Variants in ADGRB3 observed in about 807,000 individuals in gnomAD.
ADGRB3 encodes brain-specific angiogenesis inhibitor 3.
In ADGRB3, 37 loss-of-function variants were observed where a neutral mutation model predicts 193.4. The observed-to-expected ratio is 0.19, with a 90% CI of 0.15 to 0.25. The LOEUF is 0.25. Ranked by LOEUF, ADGRB3 falls within the 10% of genes least tolerant of loss-of-function variation. The pLI, the probability that ADGRB3 is intolerant of heterozygous loss-of-function variation, is 1.00. For synonymous variants in ADGRB3, 690 were observed against 644.2 expected, an observed-to-expected ratio of 1.07 and a Z score of -1.08; for missense variants, 1,637 against 1,852.9, an observed-to-expected ratio of 0.88 and a Z score of 2.14.
intron 30 of ADGRB3, among the ~76,000 whole-genome samples, chr6:69,376,062 T>C (rs1452549106): frequency 6.6e-6 from 1 of 150,486 alleles, no homozygotes; most frequent in Non-Finnish European, 1.5e-5. Context: ...TTTCACAGTT[T>C]TCCATGAAAA....
rs1468116522 is a variant in ADGRB3, at chr6:69,046,598, T to C, written c.2108-1587T>C. Among the ~76,000 whole-genome samples, 27 of 152,214 alleles carry C rather than the reference T, an allele frequency of 1.8e-4. 1 individual carries two copies. Among genetic ancestry groups the C allele is most frequent in the Admixed American group, 1.8e-3 (27 of 15,278 alleles). ...CTTTCTTTTAACATTACTTACAAAGTACTTTTTAAAGCTTAGTATGTCATA... is the reference window on the plus strand; with the variant it reads ...CTTTCTTTTAACATTACTTACAAAGCACTTTTTAAAGCTTAGTATGTCATA... On this transcript the variant is annotated intron_variant, in intron 13 of 31. Coordinates refer to ENST00000370598, the MANE Select transcript of ADGRB3 (RefSeq NM_001704.3).
At chr6:68,751,752 T>TA (rs558946220) in intron 3 of ADGRB3, among the ~76,000 whole-genome samples, 3 of 152,200 alleles carry the variant, frequency 2.0e-5, no homozygotes, top group African/African-American at 7.2e-5. Flanking sequence ...CATTCAGTGC[T>TA]AAAAAAATCC....
Position 69,239,156 on chromosome 6 carries a change from T to C in ADGRB3, c.2744T>C (p.Ile915Thr). The change falls in exon 20 of 32, where the codon ATT becomes ACT. Residue 915 changes from isoleucine (I) to threonine (T), a missense_variant. Coordinates refer to ENST00000370598, the MANE Select transcript of ADGRB3 (RefSeq NM_001704.3). Reference sequence around the variant, plus strand: ...CGCTCTGAGAGATCCATAATACTAATTAACTTCTGCCTGTCTATCATCTCA... The same window carrying C: ...CGCTCTGAGAGATCCATAATACTAACTAACTTCTGCCTGTCTATCATCTCA... ...YIRSERSIIL[I>T]NFCLSIISSN... The C allele has an allele frequency of 1.2e-6, 2 of 1,604,662 alleles. No homozygotes were observed. The highest frequency in any genetic ancestry group is 1.7e-6 in the Non-Finnish European group (2 of 1,172,108).
intron 30 of ADGRB3, among the ~76,000 whole-genome samples, 185 bp downstream of exon 30, chr6:69,372,626 T>G (rs576145213): frequency 6.6e-6 from 1 of 152,204 alleles, no homozygotes; most frequent in East Asian, 1.9e-4. Flanking sequence ...TTTGAATTAC[T>G]TCAAGTATTT....
rs188385251 is a variant in ADGRB3 at position 69,154,098 on chromosome 6, A to G, written c.2480+78060A>G. Among the ~76,000 whole-genome samples, 23 of 152,326 alleles carry G rather than the reference A, an allele frequency of 1.5e-4. No homozygotes were observed. The East Asian group carries it at 4.3e-3, about 28-fold the overall frequency. On this transcript the variant is annotated intron_variant, in intron 17 of 31. Coordinates refer to ENST00000370598, the MANE Select transcript of ADGRB3 (RefSeq NM_001704.3). ...AACCTGACTCTTGAAACCACACTTC[A>G]AAACTGGTATTTCGTGACTTTATAG... is the stretch of plus-strand genomic sequence containing the variant.
At chr6:68,684,889 G>A (rs1049201459) in intron 3 of ADGRB3, among the ~76,000 whole-genome samples, 1 of 151,878 alleles carries the variant, frequency 6.6e-6, no homozygotes, top group East Asian at 1.9e-4. Context: ...AGAGCATGGG[G>A]TAACATGATG....
intron 20 of ADGRB3, among the ~76,000 whole-genome samples, chr6:69,287,196 C>T (rs1767570727): frequency 1.3e-5 from 2 of 152,098 alleles, no homozygotes; most frequent in South Asian, 4.1e-4. Context: ...TACCTCTGCC[C>T]TTCAAGTTTA....
At chr6:68,709,524 T>A (rs553473622) in intron 3 of ADGRB3, among the ~76,000 whole-genome samples, 5 of 152,168 alleles carry the variant, frequency 3.3e-5, no homozygotes, top group Non-Finnish European at 7.3e-5. Flanking sequence ...ATCAGGGGGC[T>A]TTTCTTATTA....
intron 3 of ADGRB3, among the ~76,000 whole-genome samples, chr6:68,719,873 A>G (rs1378177154): frequency 6.6e-6 from 1 of 151,660 alleles, no homozygotes; most frequent in Non-Finnish European, 1.5e-5. Context: ...GAGTATGTAT[A>G]TGCTGAGGTT....
In ADGRB3 at chr6:69,176,478, A is replaced by G. The variant is rs117377679; in HGVS notation, c.2481-56812A>G. On this transcript the variant is annotated intron_variant, in intron 17 of 31. Coordinates refer to ENST00000370598, the MANE Select transcript of ADGRB3 (RefSeq NM_001704.3). ...TGGTAAGCCAACCTTGCATCCCAGG[A>G]ATGAAGCCTACTTGATCATGATGAA... is the stretch of plus-strand genomic sequence containing the variant. 1.1e-3 allele frequency among the ~76,000 whole-genome samples: 166 copies of G among 152,300 alleles called. 1 individual carries two copies. The East Asian group carries it at 0.027, about 24-fold the overall frequency.
At chr6:69,345,240 TGGTTGTACTGATTCTAACATTTTGA>T (rs1395128343) in intron 26 of ADGRB3, among the ~76,000 whole-genome samples, 1 of 152,092 alleles carries the variant, frequency 6.6e-6, no homozygotes, top group East Asian at 1.9e-4. Flanking sequence ...GCTTAGAAGG[TGGTTGTACTGATTCTAACATTTTGA>T]GGTTGTACTG....
intron 17 of ADGRB3, among the ~76,000 whole-genome samples, chr6:69,100,884 GGGAA>G (rs1177038051): frequency 3.1e-4 from 14 of 45,236 alleles, no homozygotes; most frequent in East Asian, 1.3e-3. Context: ...AAGGAAGGGA[GGGAA>G]GGAAGGAAGG....
intron 3 of ADGRB3, among the ~76,000 whole-genome samples, chr6:68,772,982 A>G (rs1766669419): frequency 1.4e-5 from 2 of 146,564 alleles, no homozygotes; most frequent in South Asian, 4.4e-4. Context: ...CAGGCATGGT[A>G]GTACACGCCT....
At chr6:68,956,301 A>G (rs916100747) in intron 7 of ADGRB3, 113 bp downstream of exon 7, 32 of 879,166 alleles carry the variant, frequency 3.6e-5, no homozygotes, top group African/African-American at 1.1e-4. Context: ...TTATATATAT[A>G]TGTGTGTGTG....
intron 3 of ADGRB3, among the ~76,000 whole-genome samples, chr6:68,734,482 G>C (rs940314149): frequency 6.6e-6 from 1 of 151,832 alleles, no homozygotes; most frequent in African/African-American, 2.4e-5. Flanking sequence ...GCATATAATG[G>C]GAAAACACAG....
In ADGRB3 at chr6:69,120,999, CT is replaced by C. The variant is rs36095516; in HGVS notation, c.2480+44980del. Reference sequence around the variant, plus strand: ...TGTTTCTCCAAGTTTATGCAGTTATCTTTTTTTTTTTTTTTTTTTAGTATTT... The same window carrying C: ...TGTTTCTCCAAGTTTATGCAGTTATCTTTTTTTTTTTTTTTTTTAGTATTT... On this transcript the variant is annotated intron_variant, in intron 17 of 31. Coordinates refer to ENST00000370598, the MANE Select transcript of ADGRB3 (RefSeq NM_001704.3). Among the ~76,000 whole-genome samples, 711 of 123,544 alleles carry C rather than the reference CT, an allele frequency of 5.8e-3. 10 individuals carry two copies. Among genetic ancestry groups the C allele is most frequent in the East Asian group, 0.029 (119 of 4,162 alleles). The allele number at this position is 123,544 out of a possible 152,430, so 81.0% of individuals were successfully genotyped here.
At chr6:69,340,042 G>A (rs773434468) in intron 26 of ADGRB3, among the ~76,000 whole-genome samples, 1 of 152,116 alleles carries the variant, frequency 6.6e-6, no homozygotes, top group Non-Finnish European at 1.5e-5. Flanking sequence ...TATTGCTTTT[G>A]ATATGGATGT....
chr6:69,325,142 A>G, intron 21 of ADGRB3, 120 bp downstream of exon 21: 1 of 1,288,174 alleles, frequency 7.8e-7, no homozygotes, highest in Non-Finnish European at 1.1e-6. Flanking sequence ...TATGGAAGTG[A>G]AAATACATGA....
intron 20 of ADGRB3, among the ~76,000 whole-genome samples, chr6:69,245,470 G>A (rs2127263955): frequency 6.6e-6 from 1 of 152,142 alleles, no homozygotes; most frequent in Non-Finnish European, 1.5e-5. Flanking sequence ...AAAAACTTCT[G>A]GAGCTTGTAA....
Sources: gnomAD v4.1 joint callset for allele counts (sites outside exome capture counted in the v4.1 genomes callset) on GRCh38, gnomAD v4.1.1 for gene constraint, MANE v1.5 for transcripts, NCBI Gene and HGNC (gene_info 2026-07-23, HGNC 2026-07-21) for gene names.